ADGRV1: variants seen among roughly 807,000 people sequenced by gnomAD.
The protein encoded by ADGRV1 is G-protein coupled receptor 98.
ADGRV1 carries 359 observed loss-of-function variants against 596.2 expected under a neutral mutation model. The observed-to-expected ratio is 0.60, with a 90% CI of 0.55 to 0.66. The LOEUF (loss-of-function observed/expected upper bound fraction) is 0.66. Among genes scored for constraint, ADGRV1 ranks in the 30% least tolerant of loss-of-function variants. The probability of loss-of-function intolerance (pLI) is 0.00; values close to 1 mark genes in which losing one functional copy is unlikely to be tolerated. For synonymous variants in ADGRV1, 2,681 were observed against 2,679.2 expected (o/e 1.00, Z -0.02); for missense variants, 7,274 against 7,575.6 (o/e 0.96, Z 1.48).
chr5:91,036,339 C>A (rs1202520600), intron 85 of ADGRV1, among the ~76,000 whole-genome samples: 1 of 151,950 alleles, frequency 6.6e-6, no homozygotes, highest in Non-Finnish European at 1.5e-5. Flanking sequence ...GTGGGCGGAT[C>A]ACTAGGTCAG....
intron 83 of ADGRV1, among the ~76,000 whole-genome samples, chr5:90,909,939 A>G (rs761748727): frequency 6.6e-6 from 1 of 152,250 alleles, no homozygotes. Context: ...TTGTGGATTG[A>G]CCCAAGTCAC....
chr5:90,704,531 T>TA, intron 36 of ADGRV1, 43 bp downstream of exon 36: 2 of 1,248,132 alleles, frequency 1.6e-6, no homozygotes, highest in Non-Finnish European at 1.1e-6. Context: ...TATATTCTTT[T>TA]CGTAAAAGAA....
At chr5:90,936,942 G>A (rs1775746076) in intron 83 of ADGRV1, among the ~76,000 whole-genome samples, 2 of 151,992 alleles carry the variant, frequency 1.3e-5, no homozygotes, top group South Asian at 4.1e-4. Context: ...GGTTGACAGG[G>A]TATAAAATTC....
chr5:90,999,708 G>C (rs1459583758), intron 85 of ADGRV1, among the ~76,000 whole-genome samples: 3 of 152,006 alleles, frequency 2.0e-5, no homozygotes, highest in Non-Finnish European at 2.9e-5. Flanking sequence ...GTATTTCAAA[G>C]ATTTCCAGTT....
chr5:90,774,123 A>T (rs1349031249), intron 59 of ADGRV1, 63 bp from the exon 60 acceptor site: 6 of 795,876 alleles, frequency 7.5e-6, no homozygotes, highest in Non-Finnish European at 1.2e-5. Context: ...TCTGCTAATG[A>T]CAACATTCAA....
At position 90,679,637 on chromosome 5, in the gene ADGRV1, G is replaced by A. The variant is rs745830563; in HGVS notation, c.5524+8G>A. ...CAACTATTCACAAACGTGGTAAGCAGTTTTTCCAAGGTCCTTTACTATTAT... is the reference window on the plus strand; with the variant it reads ...CAACTATTCACAAACGTGGTAAGCAATTTTTCCAAGGTCCTTTACTATTAT... On this transcript the variant is annotated splice_region_variant and intron_variant, in intron 26 of 89. Coordinates refer to ENST00000405460, the MANE Select transcript of ADGRV1 (RefSeq NM_032119.4). 8 of 1,603,006 alleles carry A rather than the reference G, an allele frequency of 5.0e-6. No homozygotes were observed. The highest frequency in any genetic ancestry group is 1.3e-5 in the African/African-American group (1 of 74,780).
chr5:90,595,509 G>A (rs1348299231), intron 1 of ADGRV1, among the ~76,000 whole-genome samples: 5 of 117,408 alleles, frequency 4.3e-5, no homozygotes, highest in African/African-American at 1.4e-4. Context: ...CAGTAGGGGC[G>A]GCCGGGCAGA....
chr5:90,602,280 A>G (rs1761503057), intron 1 of ADGRV1, among the ~76,000 whole-genome samples: 2 of 152,210 alleles, frequency 1.3e-5, no homozygotes, highest in South Asian at 4.1e-4. Context: ...TTAACGGAAA[A>G]CAGTAAGAAA....
At chr5:90,611,100 G>A (rs903457029) in intron 1 of ADGRV1, among the ~76,000 whole-genome samples, 6 of 151,778 alleles carry the variant, frequency 4.0e-5, no homozygotes, top group African/African-American at 4.8e-5. Flanking sequence ...TTGTGTTCTC[G>A]GTGATTGATG....
intron 1 of ADGRV1, among the ~76,000 whole-genome samples, chr5:90,560,606 A>G (rs1362175039): frequency 6.6e-6 from 1 of 151,046 alleles, no homozygotes; most frequent in African/African-American, 2.5e-5. Context: ...AAAATTGCCT[A>G]TAAACTGAAG....
At position 90,694,630 on chromosome 5, in the gene ADGRV1, G is replaced by T; in HGVS notation, c.7874G>T (p.Arg2625Leu). ...GSLGQVAVEW[R>L]VVGGTATEGL... ...TTAGGTCAAGTGGCAGTCGAATGGCGTGTTGTTGGTGGAACAGCTACTGAA... is the reference window on the plus strand; with the variant it reads ...TTAGGTCAAGTGGCAGTCGAATGGCTTGTTGTTGGTGGAACAGCTACTGAA... Residue 2625 changes from arginine (R) to leucine (L), a missense_variant, in exon 33 of 90, where the codon CGT becomes CTT. By Grantham distance (102) the Arg-to-Leu change is moderately radical (BLOSUM62 -2). Around this residue, in one of 5 missense-constraint regions of ADGRV1, gnomAD observed 3,643 missense variants for 3,809.2 expected, o/e 0.96. Coordinates refer to ENST00000405460, the MANE Select transcript of ADGRV1 (RefSeq NM_032119.4). 6.2e-7 allele frequency: 1 copy of T among 1,613,486 alleles called. No homozygotes were observed. Among genetic ancestry groups the T allele is most frequent in the African/African-American group, 1.3e-5 (1 of 75,008 alleles).
chr5:90,840,357 A>C (rs1765323341), intron 77 of ADGRV1, among the ~76,000 whole-genome samples: 1 of 152,260 alleles, frequency 6.6e-6, no homozygotes, highest in Non-Finnish European at 1.5e-5. Flanking sequence ...ATTTGAAGGC[A>C]TCTCTTTCCT....
intron 37 of ADGRV1, 116 bp downstream of exon 37, chr5:90,705,695 T>G: frequency 1.3e-6 from 1 of 765,240 alleles, no homozygotes; most frequent in Non-Finnish European, 2.1e-6. Flanking sequence ...TTAATATTTC[T>G]TCATTCAGGA....
At chr5:91,091,864 T>C (rs1790414162) in intron 86 of ADGRV1, 1 of 152,078 alleles carries the variant, frequency 6.6e-6, no homozygotes, top group Admixed American at 6.5e-5. Flanking sequence ...CCCACTTACA[T>C]CAGGGAGGGC....
intron 85 of ADGRV1, chr5:91,031,173 C>T (rs1473440414): frequency 4.1e-6 from 6 of 1,464,692 alleles, no homozygotes; most frequent in East Asian, 4.6e-5. Flanking sequence ...TTGTCCACAA[C>T]CAAAAAGGCA....
At chr5:90,826,526 A>T (rs1401902541) in intron 76 of ADGRV1, among the ~76,000 whole-genome samples, 1 of 152,220 alleles carries the variant, frequency 6.6e-6, no homozygotes, top group Non-Finnish European at 1.5e-5. Context: ...CGGGGTTAAT[A>T]ACAGGGCTGT....
intron 21 of ADGRV1, among the ~76,000 whole-genome samples, chr5:90,669,157 G>A (rs146637978): frequency 6.6e-6 from 1 of 152,324 alleles, no homozygotes; most frequent in East Asian, 1.9e-4. Context: ...AGGACTGCTT[G>A]GCCTTAAAGC....
At chr5:91,063,658 G>A (rs1787643130) in intron 85 of ADGRV1, among the ~76,000 whole-genome samples, 1 of 152,180 alleles carries the variant, frequency 6.6e-6, no homozygotes, top group African/African-American at 2.4e-5. Flanking sequence ...TCCAAGAACA[G>A]TTTTTATGTT....
At chr5:90,701,389 A>AT (rs1747888792) in intron 34 of ADGRV1, among the ~76,000 whole-genome samples, 1 of 152,004 alleles carries the variant, frequency 6.6e-6, no homozygotes, top group South Asian at 2.1e-4. Flanking sequence ...TCCAGGAGGC[A>AT]TTTTAAATGG....
Sources: gnomAD v4.1 joint callset for allele counts (sites outside exome capture counted in the v4.1 genomes callset) on GRCh38, gnomAD v4.1.1 for gene constraint, gnomAD v4.1.1 regional missense constraint, MANE v1.5 for transcripts, NCBI Gene and HGNC (gene_info 2026-07-23, HGNC 2026-07-21) for gene names.